QTGAL: variants seen among roughly 807,000 people sequenced by gnomAD.
QTGAL encodes BGnT-like protein 1.
At chr17:83,013,766 C>G in the QTGAL span, among the ~76,000 whole-genome samples, 57 of 152,302 alleles carry the variant, frequency 3.7e-4, no homozygotes, top group Non-Finnish European at 6.2e-4. Context: ...GGGACGGACA[C>G]TGTGGGCGCT....
At chr17:83,036,232 G>A in the QTGAL span, among the ~76,000 whole-genome samples, 6 of 152,232 alleles carry the variant, frequency 3.9e-5, no homozygotes, top group Admixed American at 1.3e-4. Flanking sequence ...TACACACAGC[G>A]TGGGTGCCTC....
the QTGAL span, chr17:82,947,282 C>A: frequency 2.4e-6 from 1 of 423,356 alleles, no homozygotes; most frequent in Non-Finnish European, 4.3e-6. Flanking sequence ...ATGAGACTAA[C>A]AGGCAATGCC....
chr17:83,006,482 C>T, the QTGAL span: 6 of 984,974 alleles, frequency 6.1e-6, no homozygotes, highest in Non-Finnish European at 7.2e-6. This position sits in a 1 kb window ranked among gnomAD's most constrained non-coding sequence, Gnocchi z 5.8. Flanking sequence ...CTGGTGGTAA[C>T]ATCACGAGGA....
the QTGAL span, among the ~76,000 whole-genome samples, chr17:83,033,129 T>C: frequency 1.3e-5 from 2 of 152,360 alleles, no homozygotes; most frequent in Middle Eastern, 6.8e-3. Context: ...CTGAAGTTTA[T>C]TTTAAAGTAA....
At chr17:83,019,822 C>G in the QTGAL span, among the ~76,000 whole-genome samples, 6 of 152,168 alleles carry the variant, frequency 3.9e-5, no homozygotes. Flanking sequence ...CAACCTCCTT[C>G]TCCCAGGTTC....
At chr17:83,031,725 A>G in the QTGAL span, among the ~76,000 whole-genome samples, 2 of 152,236 alleles carry the variant, frequency 1.3e-5, no homozygotes, top group Non-Finnish European at 2.9e-5. Flanking sequence ...GGTGGGTCCC[A>G]GGGAGGATGG....
chr17:82,977,278 C>G, the QTGAL span, among the ~76,000 whole-genome samples: 2 of 152,168 alleles, frequency 1.3e-5, no homozygotes, highest in Non-Finnish European at 2.9e-5. Flanking sequence ...GGCGCCGCCC[C>G]GACACGGACC....
chr17:83,010,641 C>T, the QTGAL span, among the ~76,000 whole-genome samples: 5 of 152,242 alleles, frequency 3.3e-5, no homozygotes, highest in East Asian at 1.9e-4. Context: ...CAGAGTGCAC[C>T]GCGGACTTCA....
At chr17:82,982,672 C>T in the QTGAL span, among the ~76,000 whole-genome samples, 1 of 152,182 alleles carries the variant, frequency 6.6e-6, no homozygotes, top group East Asian at 1.9e-4. Context: ...TTATAAGCCA[C>T]CCAGTTTATG....
chr17:82,977,489 AC>A, the QTGAL span, among the ~76,000 whole-genome samples: 1 of 149,746 alleles, frequency 6.7e-6, no homozygotes, highest in Non-Finnish European at 1.5e-5. Context: ...AACATTTTCA[AC>A]AAAAAAAAAC....
chr17:82,944,201 AGTTCTTCTTTTAAT>A, the QTGAL span: 1 of 152,194 alleles, frequency 6.6e-6, no homozygotes. Context: ...GTGGCAAAGC[AGTTCTTCTTTTAAT>A]GTCGGTCTAA....
chr17:83,049,750 C>G, the QTGAL span, among the ~76,000 whole-genome samples: 1 of 152,202 alleles, frequency 6.6e-6, no homozygotes, highest in Non-Finnish European at 1.5e-5. Context: ...ATTCCTTTGT[C>G]CTACACTTCG....
At chr17:82,993,757 TA>T in the QTGAL span, among the ~76,000 whole-genome samples, 1,957 of 145,138 alleles carry the variant, frequency 0.013, 43 homozygotes, top group African/African-American at 0.044. Flanking sequence ...CTTACAACAT[TA>T]AAAAAAAAAA....
chr17:83,007,942 T>C, the QTGAL span, among the ~76,000 whole-genome samples: 1 of 152,192 alleles, frequency 6.6e-6, no homozygotes. Context: ...TGCAACTGCA[T>C]CTAAACAGCA....
chr17:82,996,106 A>C, the QTGAL span, among the ~76,000 whole-genome samples: 1 of 152,262 alleles, frequency 6.6e-6, no homozygotes, highest in African/African-American at 2.4e-5. Context: ...CACCAAAAAA[A>C]TGGAAAGATA....
At chr17:83,005,649 T>C in the QTGAL span, 1 of 703,912 alleles carries the variant, frequency 1.4e-6, no homozygotes, top group Non-Finnish European at 2.6e-6. The surrounding 1 kb of genome is among the most constrained non-coding windows in gnomAD (Gnocchi z 5.6). Flanking sequence ...ACCTGCTCCA[T>C]TCAGCTCAGG....
chr17:82,999,646 T>C, the QTGAL span, among the ~76,000 whole-genome samples: 1 of 152,172 alleles, frequency 6.6e-6, no homozygotes, highest in African/African-American at 2.4e-5. Context: ...ATTAAGAAAA[T>C]CATAAGGAAG....
At chr17:82,966,267 C>A in the QTGAL span, among the ~76,000 whole-genome samples, 84,285 of 151,104 alleles carry the variant, frequency 0.56, 23,650 homozygotes, top group Admixed American at 0.66. Context: ...ACTGCTCAGG[C>A]TGGTCTTAAA....
At chr17:83,034,381 C>A in the QTGAL span, among the ~76,000 whole-genome samples, 1 of 152,224 alleles carries the variant, frequency 6.6e-6, no homozygotes, top group Admixed American at 6.5e-5. Context: ...TTTTATATAT[C>A]TTACTTACCA....
Sources: allele counts gnomAD v4.1 joint callset (sites outside exome capture counted in the v4.1 genomes callset), GRCh38; gene constraint gnomAD v4.1.1; non-coding constraint Gnocchi (gnomAD v3.1); transcripts MANE v1.5; gene names NCBI Gene and HGNC (gene_info 2026-07-23, HGNC 2026-07-21).